The following ARID4B variants were observed in gnomAD, a reference collection of about 807,000 sequenced individuals.
ARID4B encodes AT-rich interactive domain-containing protein 4B.
Under a neutral mutation model 147.5 loss-of-function variants are expected in ARID4B, and 26 were observed. The ratio of observed to expected loss-of-function variants is 0.18; its 90% confidence interval spans 0.13 to 0.24. The LOEUF (loss-of-function observed/expected upper bound fraction) is 0.24. Ranked by LOEUF, ARID4B falls within the 10% of genes least tolerant of loss-of-function variation. The probability of loss-of-function intolerance (pLI) is 1.00; values close to 1 mark genes in which losing one functional copy is unlikely to be tolerated. For missense variants in ARID4B, 1,179 were observed against 1,511.5 expected (o/e 0.78, Z 3.65); for synonymous variants, 512 against 507.9 (o/e 1.01, Z -0.11).
At chr1:235,253,634 T>C (rs931576185) in intron 5 of ARID4B, among the ~76,000 whole-genome samples, 3 of 152,118 alleles carry the variant, frequency 2.0e-5, no homozygotes, top group Non-Finnish European at 4.4e-5. Context: ...AAAATTTTAA[T>C]AAAAATAAAG....
chr1:235,276,857 G>A (rs2103163590), intron 2 of ARID4B, among the ~76,000 whole-genome samples: 1 of 151,934 alleles, frequency 6.6e-6, no homozygotes, highest in East Asian at 1.9e-4. Flanking sequence ...AAAATTAGCT[G>A]GGAGTGGTAG....
chr1:235,307,225 C>T (rs369855108), intron 2 of ARID4B, among the ~76,000 whole-genome samples: 9 of 152,116 alleles, frequency 5.9e-5, no homozygotes, highest in Admixed American at 5.2e-4. Flanking sequence ...GGGAAGGTCA[C>T]TTGAGGCCAG....
At chr1:235,211,452 G>C (rs1449011465) in intron 17 of ARID4B, among the ~76,000 whole-genome samples, 1 of 152,126 alleles carries the variant, frequency 6.6e-6, no homozygotes. Context: ...CTTCATAAAG[G>C]CCAAGAGGAA....
intron 2 of ARID4B, among the ~76,000 whole-genome samples, chr1:235,272,101 G>A (rs1248837151): frequency 6.6e-6 from 1 of 152,066 alleles, no homozygotes. Context: ...TACTTGTCTA[G>A]TGACCAAAAG....
intron 23 of ARID4B, among the ~76,000 whole-genome samples, chr1:235,171,882 T>G (rs932388851): frequency 6.6e-6 from 1 of 152,098 alleles, no homozygotes; most frequent in East Asian, 1.9e-4. Flanking sequence ...CCTCAGGCAA[T>G]CCACCCACCG....
intron 8 of ARID4B, among the ~76,000 whole-genome samples, chr1:235,237,124 C>T (rs1268216346): frequency 6.6e-6 from 1 of 151,404 alleles, no homozygotes; most frequent in Non-Finnish European, 1.5e-5. Context: ...CCGCCTGCCT[C>T]GGCCTCCCAA....
At chr1:235,234,294 T>G in intron 9 of ARID4B, 119 bp downstream of exon 9, 1 of 663,438 alleles carries the variant, frequency 1.5e-6, no homozygotes, top group Non-Finnish European at 2.7e-6. Flanking sequence ...ACATTCTGTA[T>G]GATGAAAAAT....
chr1:235,235,974 T>G (rs1668527034), intron 8 of ARID4B, among the ~76,000 whole-genome samples: 1 of 151,072 alleles, frequency 6.6e-6, no homozygotes, highest in Non-Finnish European at 1.5e-5. Flanking sequence ...AAGGTCTCAC[T>G]CTGTGCAGTG....
chr1:235,209,703 A>G (rs958648341), intron 17 of ARID4B, among the ~76,000 whole-genome samples: 1 of 151,344 alleles, frequency 6.6e-6, no homozygotes, highest in Non-Finnish European at 1.5e-5. Context: ...AGATCGGATT[A>G]CAGGCACCTG....
chr1:235,269,227 A>C (rs12096019), intron 2 of ARID4B, among the ~76,000 whole-genome samples: 1 of 152,194 alleles, frequency 6.6e-6, no homozygotes, highest in East Asian at 1.9e-4. Flanking sequence ...CTTATACTAA[A>C]ATGTTAATAA....
chr1:235,296,845 G>GAT (rs1672771667), intron 2 of ARID4B, among the ~76,000 whole-genome samples: 1 of 117,960 alleles, frequency 8.5e-6, no homozygotes, highest in African/African-American at 3.2e-5. Flanking sequence ...AAGGGAGGAA[G>GAT]GAGGGAGGGA....
chr1:235,244,616 G>A (rs12076951), intron 7 of ARID4B, among the ~76,000 whole-genome samples: 6,059 of 152,010 alleles, frequency 0.04, 451 homozygotes, highest in African/African-American at 0.14. Flanking sequence ...AATAACTAGG[G>A]GTAGATTAAC....
intron 2 of ARID4B, among the ~76,000 whole-genome samples, chr1:235,316,989 T>C (rs1355151387): frequency 2.0e-5 from 3 of 152,200 alleles, no homozygotes; most frequent in Non-Finnish European, 4.4e-5. Context: ...ATACTAAGCA[T>C]ATAAATGCAA....
chr1:235,265,235 G>A (rs923695810), intron 2 of ARID4B, among the ~76,000 whole-genome samples: 29 of 151,474 alleles, frequency 1.9e-4, no homozygotes, highest in Non-Finnish European at 3.7e-4. Context: ...GTGTGGTGGC[G>A]GGCGCCTGTA....
At chr1:235,249,311 C>G (rs1006765998) in intron 6 of ARID4B, among the ~76,000 whole-genome samples, 4 of 151,870 alleles carry the variant, frequency 2.6e-5, no homozygotes, top group Non-Finnish European at 4.4e-5. Flanking sequence ...CCAGTCTGGG[C>G]GACAGAGCAA....
chr1:235,249,363 T>A (rs1167330892), intron 6 of ARID4B, among the ~76,000 whole-genome samples: 1 of 152,018 alleles, frequency 6.6e-6, no homozygotes, highest in Non-Finnish European at 1.5e-5. Context: ...AAATATCAGA[T>A]GATGAATCTA....
At chr1:235,316,530 T>C (rs930117152) in intron 2 of ARID4B, among the ~76,000 whole-genome samples, 2 of 144,582 alleles carry the variant, frequency 1.4e-5, no homozygotes, top group African/African-American at 5.2e-5. Context: ...AATATATTTA[T>C]ATAAGGCTGG....
At chr1:235,201,794 G>C (rs1382356086) in intron 17 of ARID4B, among the ~76,000 whole-genome samples, 1 of 151,912 alleles carries the variant, frequency 6.6e-6, no homozygotes, top group Non-Finnish European at 1.5e-5. Flanking sequence ...TGAGGCAGGA[G>C]AATCACTTGA....
chr1:235,192,701 T>C (rs926871927), intron 19 of ARID4B, among the ~76,000 whole-genome samples: 2 of 152,118 alleles, frequency 1.3e-5, no homozygotes, highest in Non-Finnish European at 2.9e-5. Flanking sequence ...CTCATAGATA[T>C]GTCCCCTTCC....
Sources: gnomAD v4.1 joint callset for allele counts (sites outside exome capture counted in the v4.1 genomes callset) on GRCh38, gnomAD v4.1.1 for gene constraint, MANE v1.5 for transcripts, NCBI Gene and HGNC (gene_info 2026-07-23, HGNC 2026-07-21) for gene names.